CNNM2: variants seen among roughly 807,000 people sequenced by gnomAD.
CNNM2 encodes cyclin and CBS domain divalent metal cation transport mediator 2.
Under a neutral mutation model 66.9 loss-of-function variants are expected in CNNM2, and 12 were observed. The ratio of observed to expected loss-of-function variants is 0.18; its 90% CI spans 0.11 to 0.29. CNNM2 has a LOEUF of 0.29. Ranked by LOEUF, CNNM2 falls within the 10% of genes least tolerant of loss-of-function variation. CNNM2 has a pLI of 1.00. For missense variants in CNNM2, 705 were observed against 1,167.7 expected (o/e 0.60, Z 5.77); for synonymous variants, 557 against 501.8 (o/e 1.11, Z -1.47).
At position 103,089,686 on chromosome 10, in the gene CNNM2, C is replaced by T; in HGVS notation, c.*12506C>T. ...GGTTTTCCTCCTTATTCTTCCTCCT[C>T]CTCCTCCTCTTCATCATCATCTTCG... On this transcript the variant is annotated 3_prime_UTR_variant, in exon 8 of 8. Coordinates refer to ENST00000369878, the MANE Select transcript of CNNM2 (RefSeq NM_017649.5). The T allele has an allele frequency of 1.2e-6, 2 of 1,606,410 alleles. No homozygotes were observed. Among genetic ancestry groups the T allele is most frequent in the Non-Finnish European group, 1.7e-6 (2 of 1,176,236 alleles).
chr10:103,073,596 T>G lies in CNNM2; in HGVS notation c.2233+1757T>G, dbSNP rs1489547219. Among the ~76,000 whole-genome samples, 4 of 151,888 alleles carry G rather than the reference T, an allele frequency of 2.6e-5. No individual in the cohort carries two copies. The East Asian group carries it at 7.8e-4, about 29-fold the overall frequency. ...TAGAAAATGGGCCGGGCGCGGTGGC[T>G]CACGCCTGTAATCCCAGCACTTTCG... On this transcript the variant is annotated intron_variant, in intron 6 of 7. Transcript: ENST00000369878.
At chr10:103,066,678 A>G (rs2065483834) in intron 4 of CNNM2, among the ~76,000 whole-genome samples, 3 of 152,338 alleles carry the variant, frequency 2.0e-5, no homozygotes, top group African/African-American at 4.8e-5. Flanking sequence ...TTGTCTTTAT[A>G]TAAGAACAAG....
In CNNM2 at chr10:103,011,939, C is replaced by T. The variant is rs193151956; in HGVS notation, c.1622-37768C>T. On this transcript the variant is annotated intron_variant, in intron 1 of 7. Transcript: ENST00000369878. ...AACTCCTGACCTCGTGATCTGCCCA[C>T]CTCGGCCTCCCAAAGTGCTGAGATT... is the stretch of plus-strand genomic sequence containing the variant. Among the ~76,000 whole-genome samples the T allele has an allele frequency of 2.3e-3, 348 of 152,202 alleles. 4 individuals are homozygous for T. Among genetic ancestry groups the T allele is most frequent in the African/African-American group, 7.9e-3 (329 of 41,544 alleles).
intron 1 of CNNM2, among the ~76,000 whole-genome samples, chr10:102,956,040 C>T (rs954345827): frequency 3.3e-5 from 5 of 152,318 alleles, no homozygotes; most frequent in Admixed American, 6.5e-5. Flanking sequence ...GTAATCCCAG[C>T]ACTTTGGGAG....
At chr10:103,010,672 G>A (rs1252686391) in intron 1 of CNNM2, among the ~76,000 whole-genome samples, 1 of 152,144 alleles carries the variant, frequency 6.6e-6, no homozygotes, top group East Asian at 1.9e-4. Context: ...GAGTGCAGTG[G>A]TGTGATATTG....
intron 1 of CNNM2, among the ~76,000 whole-genome samples, chr10:102,981,978 A>G (rs2134231298): frequency 6.6e-6 from 1 of 152,088 alleles, no homozygotes; most frequent in African/African-American, 2.4e-5. Flanking sequence ...TCATGGTAAC[A>G]GTGGAGGGCA....
chr10:103,066,350 A>G lies in CNNM2; in HGVS notation c.2074-2279A>G, dbSNP rs578154641. ...TGTCCCTGTTCCTCAGCCCCTCCCAATGGGCCTCTGGTTCCTATACTCCTG... is the reference window on the plus strand; with the variant it reads ...TGTCCCTGTTCCTCAGCCCCTCCCAGTGGGCCTCTGGTTCCTATACTCCTG... On this transcript the variant is annotated intron_variant, in intron 4 of 7. Transcript: ENST00000369878. Among the ~76,000 whole-genome samples, 24 of 151,906 alleles carry G rather than the reference A, an allele frequency of 1.6e-4. 1 individual carries two copies. In the South Asian group the frequency reaches 4.0e-3, roughly 25 times the overall value.
intron 1 of CNNM2, among the ~76,000 whole-genome samples, chr10:102,997,897 A>G (rs1183772320): frequency 1.3e-5 from 2 of 152,224 alleles, no homozygotes; most frequent in Non-Finnish European, 2.9e-5. Context: ...TTGCAAGAGT[A>G]AAAGAATATA....
At chr10:102,982,171 G>T (rs377289489) in intron 1 of CNNM2, among the ~76,000 whole-genome samples, 106 of 152,188 alleles carry the variant, frequency 7.0e-4, no homozygotes, top group African/African-American at 2.3e-3. Flanking sequence ...TCTCAAGGAG[G>T]TGTTCTTTGC....
At chr10:103,065,053 C>A (rs1359750837) in intron 4 of CNNM2, among the ~76,000 whole-genome samples, 1 of 152,174 alleles carries the variant, frequency 6.6e-6, no homozygotes, top group Non-Finnish European at 1.5e-5. Context: ...ATGGCAGATC[C>A]TCCCCTGCCT....
At chr10:103,035,796 G>A (rs558955029) in intron 1 of CNNM2, among the ~76,000 whole-genome samples, 1 of 152,280 alleles carries the variant, frequency 6.6e-6, no homozygotes, top group African/African-American at 2.4e-5. Context: ...CTGGAGGGCT[G>A]TCTTTGATAG....
chr10:103,068,578 C>G, intron 4 of CNNM2, 51 bp from the exon 5 acceptor site: 1 of 1,410,606 alleles, frequency 7.1e-7, no homozygotes, highest in South Asian at 1.2e-5. Context: ...ACAGAGTGTG[C>G]CAGTAGGCTT....
At chr10:103,026,656 T>C (rs1291253490) in intron 1 of CNNM2, among the ~76,000 whole-genome samples, 1 of 142,132 alleles carries the variant, frequency 7.0e-6, no homozygotes, top group Non-Finnish European at 1.6e-5. Flanking sequence ...CAATTCTTAG[T>C]AAAATTTCTA....
At chr10:102,959,239 T>A (rs1847159697) in intron 1 of CNNM2, among the ~76,000 whole-genome samples, 1 of 152,192 alleles carries the variant, frequency 6.6e-6, no homozygotes, top group Admixed American at 6.5e-5. Flanking sequence ...GCTCATTTTA[T>A]TTATTATATG....
chr10:103,027,064 G>A (rs1349570493), intron 1 of CNNM2, among the ~76,000 whole-genome samples: 1 of 152,178 alleles, frequency 6.6e-6, no homozygotes, highest in Non-Finnish European at 1.5e-5. Context: ...GTCAAGGTTG[G>A]TATGGCCATT....
chr10:103,077,357 G>A lies in CNNM2; in HGVS notation c.*177G>A. On this transcript the variant is annotated 3_prime_UTR_variant, in exon 8 of 8. Coordinates refer to ENST00000369878, the MANE Select transcript of CNNM2 (RefSeq NM_017649.5). ...CGGAGGAGGACAGTGAGGGAGGAAT[G>A]GAAACGAGAGATGTGAAGTTGGCAG... 2 of 582,894 alleles carry A rather than the reference G, an allele frequency of 3.4e-6. No homozygotes were observed. The highest frequency in any genetic ancestry group is 2.8e-5 in the East Asian group (1 of 35,656). The allele number at this position is 582,894 out of a possible 1,614,324, so 36.1% of individuals were successfully genotyped here. A position where few individuals can be genotyped will look rare whatever the true frequency, so the allele number is the denominator to read the frequency against.
At chr10:103,024,247 G>C (rs1368589946) in intron 1 of CNNM2, among the ~76,000 whole-genome samples, 1 of 151,952 alleles carries the variant, frequency 6.6e-6, no homozygotes, top group Non-Finnish European at 1.5e-5. Flanking sequence ...TAAGTTTAAA[G>C]TATATATAAA....
intron 1 of CNNM2, among the ~76,000 whole-genome samples, chr10:102,937,549 A>T (rs1303290802): frequency 6.6e-6 from 1 of 152,228 alleles, no homozygotes; most frequent in Non-Finnish European, 1.5e-5. Context: ...AAAAGGAGAC[A>T]AAAAGATAAA....
chr10:103,057,190 C>T (rs7908280), intron 4 of CNNM2, among the ~76,000 whole-genome samples: 3 of 152,044 alleles, frequency 2.0e-5, no homozygotes, highest in East Asian at 1.9e-4. Context: ...TTAGTAGGCT[C>T]GGTGCAGTGG....
Sources: gnomAD v4.1 joint callset for allele counts (sites outside exome capture counted in the v4.1 genomes callset) on GRCh38, gnomAD v4.1.1 for gene constraint, MANE v1.5 for transcripts, NCBI Gene and HGNC (gene_info 2026-07-23, HGNC 2026-07-21) for gene names.